DLGAP1: variants seen among roughly 807,000 people sequenced by gnomAD.
DLGAP1 encodes the protein disks large-associated protein 1.
A neutral mutation model predicts 90.8 loss-of-function variants in DLGAP1; 11 were observed. The ratio of observed to expected loss-of-function variants is 0.12; its 90% CI spans 0.08 to 0.20. The LOEUF is 0.20. Ranked by LOEUF, DLGAP1 falls within the 10% of genes least tolerant of loss-of-function variation. DLGAP1 has a pLI of 1.00. For synonymous variants in DLGAP1, 558 were observed against 540.7 expected, an observed-to-expected ratio of 1.03 and a Z score of -0.44; for missense variants, 1,050 against 1,333.8, an observed-to-expected ratio of 0.79 and a Z score of 3.31.
At chr18:3,615,427 T>C (rs938693141) in intron 7 of DLGAP1, among the ~76,000 whole-genome samples, 20 of 152,120 alleles carry the variant, frequency 1.3e-4, no homozygotes, top group Non-Finnish European at 2.9e-4. Flanking sequence ...CAGGACGACC[T>C]TTTTTGAATT....
At chr18:3,869,987 T>A (rs960876676) in intron 4 of DLGAP1, among the ~76,000 whole-genome samples, 1 of 152,236 alleles carries the variant, frequency 6.6e-6, no homozygotes, top group African/African-American at 2.4e-5. Flanking sequence ...CCCAAAGTCA[T>A]GTAGCAAGCC....
chr18:4,362,087 T>C (rs1051513936), intron 1 of DLGAP1, among the ~76,000 whole-genome samples: 4 of 151,982 alleles, frequency 2.6e-5, no homozygotes, highest in African/African-American at 9.7e-5. Flanking sequence ...AAATAACAAG[T>C]GTTGGTGAGG....
At position 4,438,828 on chromosome 18, in the gene DLGAP1, C is replaced by T. The variant is rs566046634; in HGVS notation, c.-267+16178G>A. ...ATATATTGCTGAAATCTCCATGAAA[C>T]GCCTCTCTCATGGGAAACTTAGTTC... is the stretch of plus-strand genomic sequence containing the variant. On this transcript the variant is annotated intron_variant, in intron 1 of 12. Coordinates refer to ENST00000315677, the MANE Select transcript of DLGAP1 (RefSeq NM_004746.4). 1.6e-4 allele frequency among the ~76,000 whole-genome samples: 24 copies of T among 152,210 alleles called. 2 individuals are homozygous for T. In the South Asian group the frequency reaches 4.4e-3, roughly 28 times the overall value.
intron 1 of DLGAP1, among the ~76,000 whole-genome samples, chr18:4,259,880 G>A (rs2078970320): frequency 6.6e-6 from 1 of 152,144 alleles, no homozygotes; most frequent in South Asian, 2.1e-4. Flanking sequence ...TAATCTCTCT[G>A]TGTTAGGTCT....
intron 1 of DLGAP1, among the ~76,000 whole-genome samples, chr18:4,235,253 T>C (rs111341716): frequency 2.2e-4 from 33 of 152,172 alleles, no homozygotes; most frequent in African/African-American, 7.7e-4. Flanking sequence ...TAACCACTTA[T>C]TAAGTTGAAT....
chr18:3,673,906 G>T (rs2060192562), intron 7 of DLGAP1, among the ~76,000 whole-genome samples: 3 of 149,756 alleles, frequency 2.0e-5, no homozygotes, highest in Admixed American at 1.3e-4. Flanking sequence ...GCAGTGGTGC[G>T]ATCTCAGCTC....
Position 3,848,127 on chromosome 18 carries a change from CAAAAAAAAAAAAAAAAAAA to C in DLGAP1, c.957+30966_957+30984del, listed in dbSNP as rs3862177. 6.5e-4 allele frequency among the ~76,000 whole-genome samples: 21 copies of C among 32,080 alleles called. 1 individual carries two copies. In the South Asian group the frequency reaches 0.051, roughly 77 times the overall value. 21.0% of individuals were successfully genotyped at this position (32,080 alleles called of 152,430 possible). A position where few individuals can be genotyped will look rare whatever the true frequency, so the allele number is the denominator to read the frequency against. On this transcript the variant is annotated intron_variant, in intron 4 of 12. Coordinates refer to ENST00000315677, the MANE Select transcript of DLGAP1 (RefSeq NM_004746.4). ...TGGATGATGGAGCAAGGCCCCGTCT[CAAAAAAAAAAAAAAAAAAA>C]AAAAAAAAAAAAGCCAAGGACAGTA...
chr18:3,795,256 G>C (rs575895920), intron 5 of DLGAP1, among the ~76,000 whole-genome samples: 2 of 152,240 alleles, frequency 1.3e-5, no homozygotes, highest in Admixed American at 6.5e-5. Flanking sequence ...TTTCTTATTG[G>C]AAACTAAGCT....
At chr18:3,650,701 G>A (rs1168045583) in intron 7 of DLGAP1, among the ~76,000 whole-genome samples, 2 of 152,190 alleles carry the variant, frequency 1.3e-5, no homozygotes, top group Non-Finnish European at 2.9e-5. Context: ...AGGAAGGAAG[G>A]AACTCCTTCT....
intron 1 of DLGAP1, among the ~76,000 whole-genome samples, chr18:4,154,911 T>C (rs2076731180): frequency 6.6e-6 from 1 of 152,130 alleles, no homozygotes; most frequent in Non-Finnish European, 1.5e-5. Flanking sequence ...AACATTTCAT[T>C]TTAGTGAAGA....
chr18:4,121,780 A>G (rs1214123211), intron 2 of DLGAP1, among the ~76,000 whole-genome samples: 1 of 152,092 alleles, frequency 6.6e-6, no homozygotes, highest in African/African-American at 2.4e-5. Flanking sequence ...AATTTTCCTT[A>G]TCATGCTTTA....
At chr18:4,373,206 GGGA>G (rs1022720960) in intron 1 of DLGAP1, among the ~76,000 whole-genome samples, 1 of 152,094 alleles carries the variant, frequency 6.6e-6, no homozygotes, top group African/African-American at 2.4e-5. Context: ...TGGATTACAG[GGGA>G]GGAGGAAATA....
chr18:3,714,310 A>T (rs1414518372), intron 7 of DLGAP1, among the ~76,000 whole-genome samples: 1 of 152,178 alleles, frequency 6.6e-6, no homozygotes, highest in East Asian at 1.9e-4. Context: ...GAATCACTAC[A>T]AACTACATGC....
chr18:3,726,357 T>C (rs1404629354), intron 7 of DLGAP1, among the ~76,000 whole-genome samples: 1 of 152,094 alleles, frequency 6.6e-6, no homozygotes, highest in Non-Finnish European at 1.5e-5. Context: ...TTATACTTGA[T>C]TCAATGTAAA....
intron 1 of DLGAP1, among the ~76,000 whole-genome samples, chr18:4,393,094 G>A (rs775596559): frequency 1.3e-5 from 2 of 152,124 alleles, no homozygotes; most frequent in African/African-American, 2.4e-5. Flanking sequence ...CCTACAGTTG[G>A]TTTCTTTCCA....
intron 2 of DLGAP1, among the ~76,000 whole-genome samples, chr18:4,075,921 A>G (rs1598355325): frequency 6.6e-6 from 1 of 152,296 alleles, no homozygotes; most frequent in East Asian, 1.9e-4. Context: ...GTTGTCTGAA[A>G]TTGAATCATG....
chr18:3,530,621 A>C (rs2051928493), intron 10 of DLGAP1, among the ~76,000 whole-genome samples: 1 of 152,094 alleles, frequency 6.6e-6, no homozygotes, highest in Non-Finnish European at 1.5e-5. Flanking sequence ...CAAGGAGAAA[A>C]GTGAATAAGA....
chr18:4,136,231 A>C (rs1224228463), intron 2 of DLGAP1, among the ~76,000 whole-genome samples: 1 of 152,110 alleles, frequency 6.6e-6, no homozygotes, highest in Non-Finnish European at 1.5e-5. Flanking sequence ...TCTTCAATAT[A>C]CTGATTTATT....
intron 7 of DLGAP1, chr18:3,721,669 T>C (rs1010477191): frequency 6.6e-6 from 1 of 152,156 alleles, no homozygotes; most frequent in Non-Finnish European, 1.5e-5. Flanking sequence ...GCTAAATGCA[T>C]ATTTGCGAGA....
Sources: allele counts gnomAD v4.1 joint callset (sites outside exome capture counted in the v4.1 genomes callset), GRCh38; gene constraint gnomAD v4.1.1; transcripts MANE v1.5; gene names NCBI Gene and HGNC (gene_info 2026-07-23, HGNC 2026-07-21).